SORBS2: variants seen among roughly 807,000 people sequenced by gnomAD.
SORBS2 encodes sorbin and SH3 domain containing 2.
Under a neutral mutation model 97.7 loss-of-function variants are expected in SORBS2, and 46 were observed. The observed-to-expected ratio is 0.47, with a 90% CI of 0.37 to 0.60. SORBS2 has a LOEUF of 0.60. Among genes scored for constraint, SORBS2 ranks in the 20% least tolerant of loss-of-function variants. SORBS2 has a pLI of 0.00. For missense variants in SORBS2, 1,316 were observed against 1,282.3 expected, an observed-to-expected ratio of 1.03 and a Z score of -0.40; for synonymous variants, 476 against 473.4, an observed-to-expected ratio of 1.01 and a Z score of -0.07.
chr4:185,737,602 G>C (rs1254750564), intron 2 of SORBS2, among the ~76,000 whole-genome samples: 4 of 152,164 alleles, frequency 2.6e-5, no homozygotes, highest in African/African-American at 9.6e-5. Context: ...TCGGAGCATA[G>C]GTGGGGACCC....
chr4:185,684,166 G>A lies in SORBS2; in HGVS notation c.-197-5344C>T, dbSNP rs1025488867. Among the ~76,000 whole-genome samples, 5 of 152,036 alleles carry A rather than the reference G, an allele frequency of 3.3e-5. No homozygotes were observed. The highest frequency in any genetic ancestry group is 1.2e-4 in the African/African-American group (5 of 41,396). The stretch of plus-strand genomic sequence containing the variant: ...TGCCTTAGGTACTGTGCCTAACTTC[G>A]GTACTGTGGCTTAGGTAGTCACAAC... On this transcript the variant is annotated intron_variant, in intron 2 of 20. Coordinates refer to the SORBS2 transcript ENST00000284776. The surrounding 1 kb of genome is among the most constrained non-coding windows in gnomAD (Gnocchi z 4.2).
chr4:185,684,715 C>T lies in SORBS2; in HGVS notation c.-197-5893G>A, dbSNP rs1049801370. ...AAAAACAGTCAGAAGAGCTAGAAGC[C>T]ATTCAAGTGCGACATTGTGTGAGTT... is the stretch of plus-strand genomic sequence containing the variant. On this transcript the variant is annotated intron_variant, in intron 2 of 20. Transcript: ENST00000284776. The surrounding 1 kb of genome is among the most constrained non-coding windows in gnomAD (Gnocchi z 4.2). The T allele has an allele frequency of 5.9e-6, 8 of 1,358,660 alleles. No homozygotes were observed. The African/African-American group carries it at 8.7e-5, about 15-fold the overall frequency. The allele number at this position is 1,358,660 out of a possible 1,614,324, so 84.2% of individuals were successfully genotyped here. A position where few individuals can be genotyped will look rare whatever the true frequency, so the allele number is the denominator to read the frequency against.
chr4:185,814,553 A>AAAACAAACAAACAAACAAAC (rs36055043), intron 1 of SORBS2, among the ~76,000 whole-genome samples: 1 of 151,142 alleles, frequency 6.6e-6, no homozygotes, highest in African/African-American at 2.4e-5. Flanking sequence ...TTTTAGTAGC[A>AAAACAAACAAACAAACAAAC]AAACAAACAA....
chr4:185,890,671 G>C (rs548339666), intron 1 of SORBS2, among the ~76,000 whole-genome samples: 7 of 152,284 alleles, frequency 4.6e-5, no homozygotes, highest in South Asian at 4.2e-4. Flanking sequence ...GCCCTGCTCA[G>C]ACCCCTTCTA....
intron 5 of SORBS2, among the ~76,000 whole-genome samples, chr4:185,627,912 C>T (rs1392145979): frequency 2.0e-5 from 3 of 152,216 alleles, no homozygotes; most frequent in African/African-American, 7.2e-5. Flanking sequence ...TTTCACCATG[C>T]CCAGTTGATA....
chr4:185,694,129 T>C (rs2098137029), intron 2 of SORBS2, among the ~76,000 whole-genome samples: 1 of 152,242 alleles, frequency 6.6e-6, no homozygotes, highest in South Asian at 2.1e-4. Flanking sequence ...ATTTCCCTTA[T>C]TTGTGCTAAG....
rs748484228 is a variant in SORBS2, at chr4:185,626,955, G to A, written c.511C>T (p.Arg171Trp). 26 of 1,614,030 alleles carry A rather than the reference G, an allele frequency of 1.6e-5. No homozygotes were observed. Among genetic ancestry groups the A allele is most frequent in the East Asian group, 8.9e-5 (4 of 44,884 alleles). Residue 171 changes from arginine (R) to tryptophan (W), a missense_variant, in exon 6 of 15, where the codon CGG (arginine) becomes TGG (tryptophan). By Grantham distance (101) the Arg-to-Trp change is moderately radical. Coordinates refer to ENST00000418609, the Ensembl canonical transcript of SORBS2. ...CTCGCACTTTGATCTCCCAAGCCCC[G>A]TGGTGGACCCACTGCAGGCTCGCTC...
chr4:185,774,746 G>C (rs915921051), intron 2 of SORBS2: 3 of 151,684 alleles, frequency 2.0e-5, no homozygotes, highest in African/African-American at 4.9e-5. Context: ...AATTCCACAC[G>C]AGCAATGAAC....
chr4:185,745,108 T>A (rs2098751884), intron 2 of SORBS2, among the ~76,000 whole-genome samples: 1 of 151,974 alleles, frequency 6.6e-6, no homozygotes, highest in Non-Finnish European at 1.5e-5. Flanking sequence ...TGTTCTGAGG[T>A]AGGTGGGCAT....
At chr4:185,629,192 C>T (rs939050483) in intron 5 of SORBS2, among the ~76,000 whole-genome samples, 5 of 152,118 alleles carry the variant, frequency 3.3e-5, no homozygotes, top group Non-Finnish European at 7.4e-5. Flanking sequence ...CTGGTTTGTC[C>T]TCTTCTGAAG....
intron 1 of SORBS2, among the ~76,000 whole-genome samples, chr4:185,789,335 T>C (rs2099070210): frequency 6.6e-6 from 1 of 152,124 alleles, no homozygotes; most frequent in Admixed American, 6.6e-5. Context: ...CTAATACTCA[T>C]TCATCTCCAC....
At chr4:185,697,229 C>CT in intron 2 of SORBS2, among the ~76,000 whole-genome samples, 1 of 152,304 alleles carries the variant, frequency 6.6e-6, no homozygotes, top group Admixed American at 6.5e-5. Flanking sequence ...TGAAGCAGAT[C>CT]TTTACCTTTG....
chr4:185,668,936 C>T (rs1446234326), intron 4 of SORBS2, among the ~76,000 whole-genome samples: 1 of 152,248 alleles, frequency 6.6e-6, no homozygotes, highest in Non-Finnish European at 1.5e-5. Context: ...AGCTAGCAGC[C>T]AGGGGCTGCC....
chr4:185,930,690 T>C (rs1199676300), intron 1 of SORBS2, among the ~76,000 whole-genome samples: 3 of 152,218 alleles, frequency 2.0e-5, no homozygotes, highest in Non-Finnish European at 2.9e-5. Context: ...TATGTTATTC[T>C]GAAGGTGTAA....
chr4:185,671,300 G>A (rs536060876), intron 4 of SORBS2, among the ~76,000 whole-genome samples: 14 of 152,284 alleles, frequency 9.2e-5, no homozygotes, highest in South Asian at 2.1e-4. Context: ...TATTCAGATC[G>A]GGAATATGGT....
At chr4:185,887,617 A>G (rs2099240331) in intron 1 of SORBS2, among the ~76,000 whole-genome samples, 1 of 152,234 alleles carries the variant, frequency 6.6e-6, no homozygotes, top group South Asian at 2.1e-4. Flanking sequence ...ATATTTCAGC[A>G]AAATGAGCTA....
intron 11 of SORBS2, 88 bp downstream of exon 23, chr4:185,614,742 CT>C: frequency 6.9e-7 from 1 of 1,441,742 alleles, no homozygotes; most frequent in Non-Finnish European, 9.4e-7. Flanking sequence ...AAAAGATAAC[CT>C]ATTTTAGTTT....
chr4:185,832,305 A>AT (rs543136069), intron 1 of SORBS2, among the ~76,000 whole-genome samples: 73 of 152,254 alleles, frequency 4.8e-4, no homozygotes, highest in Middle Eastern at 6.8e-3. Flanking sequence ...AGATTGTATT[A>AT]TTTTCTTAGA....
intron 2 of SORBS2, among the ~76,000 whole-genome samples, chr4:185,709,267 C>T (rs13141234): frequency 0.47 from 68,769 of 147,332 alleles, 17,842 homozygotes; most frequent in South Asian, 0.59. Context: ...TCCCAAAGTG[C>T]TGGGATTATA....
Sources: allele counts gnomAD v4.1 joint callset (sites outside exome capture counted in the v4.1 genomes callset), GRCh38; gene constraint gnomAD v4.1.1; non-coding constraint Gnocchi (gnomAD v3.1); transcripts MANE v1.5; gene names NCBI Gene and HGNC (gene_info 2026-07-23, HGNC 2026-07-21).